SLC25A21: variants seen among roughly 807,000 people sequenced by gnomAD.
SLC25A21 encodes the protein mitochondrial 2-oxodicarboxylate carrier.
In SLC25A21, 47 loss-of-function variants were observed where a neutral mutation model predicts 43.8. The observed-to-expected ratio is 1.07, with a 90% CI of 0.85 to 1.37. SLC25A21 has a LOEUF of 1.37. SLC25A21 is among the 40% of genes most tolerant of loss of function. SLC25A21 has a pLI of 0.00. For synonymous variants in SLC25A21, 131 were observed against 121.3 expected, an observed-to-expected ratio of 1.08 and a Z score of -0.52; for missense variants, 352 against 350.2, an observed-to-expected ratio of 1.00 and a Z score of -0.04.
intron 1 of SLC25A21, among the ~76,000 whole-genome samples, chr14:37,129,883 CTGAAT>C: frequency 6.6e-6 from 1 of 151,932 alleles, no homozygotes; most frequent in African/African-American, 2.4e-5. Flanking sequence ...TAATTCTTGC[CTGAAT>C]TGAAGTCTCC....
At chr14:36,903,848 TG>T (rs1348757252) in intron 1 of SLC25A21, among the ~76,000 whole-genome samples, 1 of 152,160 alleles carries the variant, frequency 6.6e-6, no homozygotes, top group African/African-American at 2.4e-5. Context: ...GGATTAGCCA[TG>T]TAAGTGTCCA....
intron 4 of SLC25A21, 83 bp downstream of exon 4, chr14:36,734,424 C>A: frequency 1.1e-6 from 1 of 931,282 alleles, no homozygotes; most frequent in South Asian, 1.9e-5. Flanking sequence ...ATATATAATT[C>A]ATTTTAATGT....
chr14:36,701,258 C>T (rs1422042122), intron 7 of SLC25A21, among the ~76,000 whole-genome samples: 1 of 152,178 alleles, frequency 6.6e-6, no homozygotes. Context: ...TCAGAGGAAT[C>T]TATTACAGTG....
chr14:37,032,248 A>C (rs1315411672), intron 1 of SLC25A21, among the ~76,000 whole-genome samples: 1 of 152,154 alleles, frequency 6.6e-6, no homozygotes, highest in Non-Finnish European at 1.5e-5. Context: ...ATTAAAAATG[A>C]ATCCAAGCTG....
intron 3 of SLC25A21, among the ~76,000 whole-genome samples, chr14:36,761,026 T>C (rs1886135764): frequency 6.6e-6 from 1 of 152,208 alleles, no homozygotes; most frequent in Non-Finnish European, 1.5e-5. Context: ...GAAAACCAAC[T>C]GGATGTCATG....
At chr14:37,059,923 T>A (rs1483428222) in intron 1 of SLC25A21, among the ~76,000 whole-genome samples, 1 of 152,166 alleles carries the variant, frequency 6.6e-6, no homozygotes, top group Non-Finnish European at 1.5e-5. Context: ...CAAAAGTGTG[T>A]TTCACTAAGG....
chr14:36,693,311 A>G (rs1308605041), intron 7 of SLC25A21, among the ~76,000 whole-genome samples: 1 of 152,198 alleles, frequency 6.6e-6, no homozygotes, highest in East Asian at 1.9e-4. Context: ...GCTGTGAAAG[A>G]TGTGAACATA....
At chr14:37,136,893 G>C (rs916835179) in intron 1 of SLC25A21, among the ~76,000 whole-genome samples, 1 of 152,186 alleles carries the variant, frequency 6.6e-6, no homozygotes, top group Non-Finnish European at 1.5e-5. Flanking sequence ...GATTGTAGGG[G>C]ATATAGGGCA....
chr14:37,168,677 C>T (rs1964071971), intron 1 of SLC25A21, among the ~76,000 whole-genome samples: 1 of 152,040 alleles, frequency 6.6e-6, no homozygotes, highest in South Asian at 2.1e-4. Flanking sequence ...CTCTCACTCT[C>T]TCCAGGAAAA....
chr14:36,705,045 G>A (rs1257886883), intron 7 of SLC25A21, among the ~76,000 whole-genome samples: 4 of 151,984 alleles, frequency 2.6e-5, no homozygotes, highest in Non-Finnish European at 5.9e-5. Context: ...CTGAGTTACC[G>A]GGGCTTACCG....
At chr14:36,852,884 C>T (rs1196010975) in intron 2 of SLC25A21, among the ~76,000 whole-genome samples, 2 of 152,056 alleles carry the variant, frequency 1.3e-5, no homozygotes, top group Non-Finnish European at 2.9e-5. Flanking sequence ...ACTTAATATA[C>T]TGAATTTGAA....
At chr14:36,743,568 G>A (rs2139245065) in intron 3 of SLC25A21, among the ~76,000 whole-genome samples, 1 of 152,162 alleles carries the variant, frequency 6.6e-6, no homozygotes, top group East Asian at 1.9e-4. Flanking sequence ...CACACCCACA[G>A]CCAACAGCAT....
At chr14:36,713,626 C>A (rs1883989059) in intron 6 of SLC25A21, among the ~76,000 whole-genome samples, 1 of 152,106 alleles carries the variant, frequency 6.6e-6, no homozygotes, top group South Asian at 2.1e-4. Context: ...AGTATTTTAT[C>A]CTCTCTGATT....
rs560107751 is a variant in SLC25A21 at position 36,726,791 on chromosome 14, C to T, written c.331-1114G>A. ...ATTATTTAGTGCTGAACCTCCAATT[C>T]CAGGACAAGAGGCAGTACTATAGAC... On this transcript the variant is annotated intron_variant, in intron 5 of 9. Transcript: ENST00000331299. 9.9e-5 allele frequency among the ~76,000 whole-genome samples: 15 copies of T among 152,218 alleles called. No individual in the cohort carries two copies. In the South Asian group the frequency reaches 1.7e-3, roughly 17 times the overall value.
intron 1 of SLC25A21, among the ~76,000 whole-genome samples, chr14:37,065,176 T>G (rs1299206494): frequency 6.6e-6 from 1 of 152,112 alleles, no homozygotes; most frequent in East Asian, 1.9e-4. Context: ...AGGTGACACT[T>G]GAGATTTGAA....
chr14:37,136,750 A>G (rs1963487153), intron 1 of SLC25A21, among the ~76,000 whole-genome samples: 1 of 152,224 alleles, frequency 6.6e-6, no homozygotes, highest in Non-Finnish European at 1.5e-5. Flanking sequence ...ATTAAGCAAC[A>G]AAAAGACATG....
At chr14:36,903,614 G>GAAAAAAAAAAAA (rs71124784) in intron 1 of SLC25A21, among the ~76,000 whole-genome samples, 12 of 50,456 alleles carry the variant, frequency 2.4e-4, no homozygotes, top group African/African-American at 9.1e-4. Flanking sequence ...CTCCGTCTCA[G>GAAAAAAAAAAAA]AAAAAAAAAA....
At chr14:37,053,238 T>C (rs115893958) in intron 1 of SLC25A21, among the ~76,000 whole-genome samples, 3,970 of 152,282 alleles carry the variant, frequency 0.026, 69 homozygotes, top group Middle Eastern at 0.048. Flanking sequence ...GGATTTTGTA[T>C]AGAGCCTAAC....
At chr14:36,799,359 C>T (rs1007607203) in intron 3 of SLC25A21, among the ~76,000 whole-genome samples, 12 of 152,022 alleles carry the variant, frequency 7.9e-5, no homozygotes, top group African/African-American at 2.7e-4. Context: ...CTTGTGGCCC[C>T]GAGCAATTTG....
Sources: allele counts gnomAD v4.1 joint callset (sites outside exome capture counted in the v4.1 genomes callset), GRCh38; gene constraint gnomAD v4.1.1; transcripts MANE v1.5; gene names NCBI Gene and HGNC (gene_info 2026-07-23, HGNC 2026-07-21).